TSPAN2: variants seen among roughly 807,000 people sequenced by gnomAD.
TSPAN2 encodes tetraspanin-2.
TSPAN2 carries 24 observed loss-of-function variants against 33.3 expected under a neutral mutation model. The observed-to-expected ratio is 0.72, with a 90% CI of 0.52 to 1.01. The LOEUF (loss-of-function observed/expected upper bound fraction) is 1.01, where lower values mean the gene tolerates loss of function less well. Among genes scored for constraint, TSPAN2 ranks in the 50% least tolerant of loss-of-function variants. The pLI is 0.00. For synonymous variants in TSPAN2, 114 were observed against 104.5 expected (o/e 1.09, Z -0.56); for missense variants, 278 against 281.3 (o/e 0.99, Z 0.08).
chr1:115,062,459 C>T (rs1439176943), intron 2 of TSPAN2, among the ~76,000 whole-genome samples: 1 of 152,164 alleles, frequency 6.6e-6, no homozygotes, highest in Non-Finnish European at 1.5e-5. Flanking sequence ...AGCCATGAGC[C>T]TCAAAAGCCT....
At chr1:115,077,323 A>G (rs1479529849) in intron 1 of TSPAN2, among the ~76,000 whole-genome samples, 1 of 73,018 alleles carries the variant, frequency 1.4e-5, no homozygotes, top group Non-Finnish European at 2.8e-5. Flanking sequence ...AGAGGACAAG[A>G]AAAATACTTA....
At chr1:115,061,071 T>C (rs537840653) in intron 3 of TSPAN2, among the ~76,000 whole-genome samples, 13 of 152,308 alleles carry the variant, frequency 8.5e-5, no homozygotes, top group African/African-American at 2.9e-4. Context: ...TTCTGGTCTA[T>C]GGATTTGCTC....
At chr1:115,077,490 C>G (rs772506548) in intron 1 of TSPAN2, among the ~76,000 whole-genome samples, 9 of 152,064 alleles carry the variant, frequency 5.9e-5, no homozygotes, top group Non-Finnish European at 1.3e-4. Context: ...TTGGAGGACA[C>G]GAAATTGCAA....
chr1:115,059,970 G>A (rs967129053), intron 4 of TSPAN2, among the ~76,000 whole-genome samples: 20 of 152,062 alleles, frequency 1.3e-4, no homozygotes, highest in African/African-American at 4.1e-4. Flanking sequence ...CTTCCTCTGT[G>A]TGTCCCCCCG....
intron 1 of TSPAN2, among the ~76,000 whole-genome samples, chr1:115,082,568 T>C (rs1450183259): frequency 6.6e-6 from 1 of 152,264 alleles, no homozygotes; most frequent in Non-Finnish European, 1.5e-5. Flanking sequence ...TGAAATTAAC[T>C]TTTTAAACTG....
intron 2 of TSPAN2, among the ~76,000 whole-genome samples, chr1:115,070,177 A>T (rs1648112277): frequency 6.6e-6 from 1 of 152,088 alleles, no homozygotes; most frequent in Admixed American, 6.5e-5. Context: ...AAAGTCATGA[A>T]TTATTACTGA....
chr1:115,072,836 C>G, intron 2 of TSPAN2, 69 bp downstream of exon 2: 2 of 1,353,998 alleles, frequency 1.5e-6, no homozygotes, highest in South Asian at 2.4e-5. Flanking sequence ...TCAAGTGCAG[C>G]TTCTGCTCTA....
intron 1 of TSPAN2, among the ~76,000 whole-genome samples, chr1:115,073,851 G>T (rs1648290320): frequency 6.6e-6 from 1 of 151,970 alleles, no homozygotes; most frequent in Non-Finnish European, 1.5e-5. Flanking sequence ...CTTTTGTGAG[G>T]CTCAGCTTGG....
chr1:115,048,348 TATATATCCACAC>T lies in TSPAN2; in HGVS notation c.*2130_*2141del, dbSNP rs1675216057. On this transcript the variant is annotated 3_prime_UTR_variant, in exon 8 of 8. Transcript: ENST00000369516. ...ATTCATCTTTCTGTGTGTGTGTGTA[TATATATCCACAC>T]ACACATATAAAATCTATTGTTGCTT... The T allele has an allele frequency of 6.6e-6, 1 of 150,862 alleles. No homozygotes were observed. Among genetic ancestry groups the T allele is most frequent in the Non-Finnish European group, 1.5e-5 (1 of 67,626 alleles). 9.3% of individuals were successfully genotyped at this position (150,862 alleles called of 1,614,324 possible). A position where few individuals can be genotyped will look rare whatever the true frequency, so the allele number is the denominator to read the frequency against.
chr1:115,076,127 C>T (rs1648401411), intron 1 of TSPAN2, among the ~76,000 whole-genome samples: 1 of 152,138 alleles, frequency 6.6e-6, no homozygotes, highest in Non-Finnish European at 1.5e-5. Flanking sequence ...CACTGGCATG[C>T]AGGAGGAATC....
At chr1:115,066,591 G>A (rs6689024) in intron 2 of TSPAN2, among the ~76,000 whole-genome samples, 111 of 152,330 alleles carry the variant, frequency 7.3e-4, no homozygotes, top group Admixed American at 1.4e-3. Context: ...ACTTAAAAAT[G>A]TGGTTCCCCC....
At chr1:115,077,421 G>A (rs1648459467) in intron 1 of TSPAN2, among the ~76,000 whole-genome samples, 1 of 152,152 alleles carries the variant, frequency 6.6e-6, no homozygotes, top group Admixed American at 6.5e-5. Context: ...ATCACATATG[G>A]TTATAGTACG....
intron 1 of TSPAN2, among the ~76,000 whole-genome samples, chr1:115,078,005 A>C (rs940176730): frequency 1.3e-5 from 2 of 152,214 alleles, no homozygotes; most frequent in Admixed American, 1.3e-4. Context: ...AAAAAGCATC[A>C]TTTAGGGAAG....
At chr1:115,059,128 G>A in intron 4 of TSPAN2, 147 bp from the exon 5 acceptor site, 1 of 675,634 alleles carries the variant, frequency 1.5e-6, no homozygotes, top group Non-Finnish European at 2.6e-6. Context: ...GGACTCAGGG[G>A]AAAGGGTAGG....
At chr1:115,081,910 T>C (rs780527874) in intron 1 of TSPAN2, among the ~76,000 whole-genome samples, 1 of 152,226 alleles carries the variant, frequency 6.6e-6, no homozygotes, top group Non-Finnish European at 1.5e-5. Context: ...TGGAATTCCT[T>C]TCGGTTTTCT....
chr1:115,066,353 C>A (rs1344694023), intron 2 of TSPAN2, among the ~76,000 whole-genome samples: 1 of 152,126 alleles, frequency 6.6e-6, no homozygotes, highest in East Asian at 1.9e-4. Context: ...CTTTATATTC[C>A]CACCAATAGT....
intron 6 of TSPAN2, among the ~76,000 whole-genome samples, chr1:115,056,716 C>T (rs188864317): frequency 6.6e-6 from 1 of 152,156 alleles, no homozygotes; most frequent in Non-Finnish European, 1.5e-5. Flanking sequence ...ATCACTGGAC[C>T]GTATGGACTT....
chr1:115,062,097 C>CACCCCCCCCCCACCCATT, intron 3 of TSPAN2, 38 bp downstream of exon 3: 2 of 1,470,110 alleles, frequency 1.4e-6, no homozygotes, highest in Non-Finnish European at 1.9e-6. Flanking sequence ...GCCGCTCCCT[C>CACCCCCCCCCCACCCATT]ACCCCCACCC....
chr1:115,066,597 C>T (rs951915226), intron 2 of TSPAN2, among the ~76,000 whole-genome samples: 3 of 152,122 alleles, frequency 2.0e-5, no homozygotes, highest in African/African-American at 7.2e-5. Flanking sequence ...AAATGTGGTT[C>T]CCCCCTTTTA....
Sources: allele counts gnomAD v4.1 joint callset (sites outside exome capture counted in the v4.1 genomes callset), GRCh38; gene constraint gnomAD v4.1.1; transcripts MANE v1.5; gene names NCBI Gene and HGNC (gene_info 2026-07-23, HGNC 2026-07-21).